Variants in ADAMTS6 observed in about 807,000 individuals in gnomAD.
ADAMTS6 encodes A disintegrin and metalloproteinase with thrombospondin motifs 6.
A neutral mutation model predicts 144.3 loss-of-function variants in ADAMTS6; 23 were observed. That is an observed-to-expected ratio of 0.16 (90% CI 0.11 to 0.23). ADAMTS6 has a LOEUF of 0.23. Ranked by LOEUF, ADAMTS6 falls within the 10% of genes least tolerant of loss-of-function variation. The pLI, the probability that ADAMTS6 is intolerant of heterozygous loss-of-function variation, is 1.00. For synonymous variants in ADAMTS6, 444 were observed against 457.5 expected (o/e 0.97, Z 0.38); for missense variants, 999 against 1,379.6 (o/e 0.72, Z 4.37).
chr5:65,179,027 GA>G (rs1219819230), intron 22 of ADAMTS6, among the ~76,000 whole-genome samples: 1 of 141,494 alleles, frequency 7.1e-6, no homozygotes, highest in East Asian at 2.0e-4. Context: ...CCTACAAAGT[GA>G]CTCTGAAAAG....
At chr5:65,225,463 A>T (rs1757657930) in intron 16 of ADAMTS6, among the ~76,000 whole-genome samples, 1 of 152,184 alleles carries the variant, frequency 6.6e-6, no homozygotes, top group South Asian at 2.1e-4. Context: ...CCAGACAAGT[A>T]AAAAAATTTA....
At chr5:65,472,764 T>C (rs1248926359) in intron 2 of ADAMTS6, among the ~76,000 whole-genome samples, 1 of 152,198 alleles carries the variant, frequency 6.6e-6, no homozygotes, top group African/African-American at 2.4e-5. Context: ...TTATTTCACT[T>C]CTTATAAATA....
chr5:65,407,366 T>G (rs546814687), intron 7 of ADAMTS6, among the ~76,000 whole-genome samples: 5 of 152,032 alleles, frequency 3.3e-5, no homozygotes, highest in African/African-American at 1.2e-4. Context: ...ACTTTAAGTT[T>G]TAGGGTACAT....
intron 7 of ADAMTS6, among the ~76,000 whole-genome samples, chr5:65,424,957 A>G (rs1005435158): frequency 1.3e-5 from 2 of 150,752 alleles, no homozygotes; most frequent in Non-Finnish European, 3.0e-5. Flanking sequence ...CTTGGTTTCA[A>G]CTCTCCTTCT....
chr5:65,266,387 C>T (rs1313498030), intron 12 of ADAMTS6, among the ~76,000 whole-genome samples: 1 of 151,828 alleles, frequency 6.6e-6, no homozygotes, highest in Non-Finnish European at 1.5e-5. Context: ...GGAGCTATAT[C>T]ATAATAGGTA....
intron 7 of ADAMTS6, among the ~76,000 whole-genome samples, chr5:65,401,207 C>T (rs748955813): frequency 2.6e-5 from 4 of 152,002 alleles, no homozygotes; most frequent in Non-Finnish European, 1.5e-5. Context: ...ATTCTATAGT[C>T]CTACAATTAG....
intron 14 of ADAMTS6, among the ~76,000 whole-genome samples, chr5:65,255,482 CT>C (rs976607362): frequency 6.6e-6 from 1 of 152,080 alleles, no homozygotes; most frequent in African/African-American, 2.4e-5. Context: ...TTAGCTCCCA[CT>C]TATGGCTGAG....
intron 7 of ADAMTS6, among the ~76,000 whole-genome samples, chr5:65,367,843 C>CAT (rs925247881): frequency 2.0e-4 from 30 of 151,176 alleles, no homozygotes; most frequent in Admixed American, 9.3e-4. Context: ...AACAGTACTA[C>CAT]ATATATATAT....
chr5:65,466,010 A>G (rs1391564691), intron 3 of ADAMTS6, among the ~76,000 whole-genome samples: 1 of 152,186 alleles, frequency 6.6e-6, no homozygotes, highest in African/African-American at 2.4e-5. Flanking sequence ...AGACTGACAT[A>G]TCCAATATCC....
chr5:65,202,649 A>G (rs1027579696), intron 20 of ADAMTS6, among the ~76,000 whole-genome samples: 13 of 152,122 alleles, frequency 8.5e-5, no homozygotes, highest in African/African-American at 3.1e-4. Flanking sequence ...TAGTTTCCCC[A>G]TTTTATCTTA....
intron 24 of ADAMTS6, among the ~76,000 whole-genome samples, chr5:65,161,192 C>T (rs1752752054): frequency 6.6e-6 from 1 of 152,110 alleles, no homozygotes; most frequent in African/African-American, 2.4e-5. Context: ...TGCGTGCCAC[C>T]ATACCCAGCT....
Position 65,226,056 on chromosome 5 carries a change from C to T in ADAMTS6, c.2067+30G>A, listed in dbSNP as rs536577155. On this transcript the variant is annotated intron_variant, in intron 16 of 24. Coordinates refer to ENST00000381055, the MANE Select transcript of ADAMTS6 (RefSeq NM_197941.4). ...AGAAAAAGATAAAAGTCTCAAAAAC[C>T]CCAACAGAAAGGAGTAAAATCTGAG... The T allele has an allele frequency of 1.1e-5, 17 of 1,567,118 alleles. No homozygotes were observed. The East Asian group carries it at 3.9e-4, about 36-fold the overall frequency.
intron 7 of ADAMTS6, among the ~76,000 whole-genome samples, chr5:65,404,399 G>T (rs991564109): frequency 6.6e-6 from 1 of 152,060 alleles, no homozygotes; most frequent in African/African-American, 2.4e-5. Flanking sequence ...TATGGTGTTT[G>T]GTCTTCTGTC....
At chr5:65,336,426 A>G (rs554441332) in intron 7 of ADAMTS6, among the ~76,000 whole-genome samples, 22 of 152,182 alleles carry the variant, frequency 1.4e-4, no homozygotes, top group African/African-American at 4.8e-4. Context: ...AGATTGGCCA[A>G]AATATTTCAG....
chr5:65,467,178 GAAC>G (rs1760092290), intron 3 of ADAMTS6, among the ~76,000 whole-genome samples: 1 of 151,600 alleles, frequency 6.6e-6, no homozygotes, highest in African/African-American at 2.4e-5. Flanking sequence ...ATAGAAATTA[GAAC>G]AAAAAAGAAA....
At chr5:65,417,542 A>G (rs1755642430) in intron 7 of ADAMTS6, among the ~76,000 whole-genome samples, 1 of 152,214 alleles carries the variant, frequency 6.6e-6, no homozygotes, top group South Asian at 2.1e-4. Context: ...TCAGGATACA[A>G]AATCAATATA....
intron 7 of ADAMTS6, among the ~76,000 whole-genome samples, chr5:65,352,757 TATCTTG>T (rs1367147311): frequency 6.6e-6 from 1 of 152,114 alleles, no homozygotes; most frequent in Non-Finnish European, 1.5e-5. Flanking sequence ...TAAGTTCTCT[TATCTTG>T]ATTTCTCTTC....
At chr5:65,378,805 C>A (rs1751782313) in intron 7 of ADAMTS6, among the ~76,000 whole-genome samples, 1 of 152,136 alleles carries the variant, frequency 6.6e-6, no homozygotes. Context: ...GCTTCTAACT[C>A]TGAATATATT....
intron 4 of ADAMTS6, among the ~76,000 whole-genome samples, chr5:65,454,980 CA>C (rs2150254404): frequency 6.6e-6 from 1 of 152,284 alleles, no homozygotes; most frequent in Admixed American, 6.5e-5. Flanking sequence ...AATATTGTTA[CA>C]AAACAGCTGA....
Sources: gnomAD v4.1 joint callset for allele counts (sites outside exome capture counted in the v4.1 genomes callset) on GRCh38, gnomAD v4.1.1 for gene constraint, MANE v1.5 for transcripts, NCBI Gene and HGNC (gene_info 2026-07-23, HGNC 2026-07-21) for gene names.